Variants in RNPEPL1 observed in about 807,000 individuals in gnomAD.
RNPEPL1 encodes arginyl aminopeptidase like 1.
RNPEPL1 carries 46 observed loss-of-function variants against 69.0 expected under a neutral mutation model. The ratio of observed to expected loss-of-function variants is 0.67; its 90% CI spans 0.53 to 0.85. RNPEPL1 has a LOEUF of 0.85. Ranked by LOEUF, RNPEPL1 falls within the 40% of genes least tolerant of loss-of-function variation. The pLI, the probability that RNPEPL1 is intolerant of heterozygous loss-of-function variation, is 0.00. For synonymous variants in RNPEPL1, 525 were observed against 454.1 expected (o/e 1.16, Z -1.98); for missense variants, 869 against 992.5 (o/e 0.88, Z 1.67).
chr2:240,572,972 G>A (rs1226693099), intron 2 of RNPEPL1, 138 bp from the exon 3 acceptor site: 2 of 1,057,330 alleles, frequency 1.9e-6, no homozygotes, highest in Non-Finnish European at 1.3e-6. Context: ...TCGGAGAGAA[G>A]TTCTCTGACA....
At chr2:240,573,008 G>C in intron 2 of RNPEPL1, 102 bp from the exon 3 acceptor site, 13 of 1,326,544 alleles carry the variant, frequency 9.8e-6, no homozygotes, top group East Asian at 2.6e-5. Context: ...GGGGATGTAG[G>C]GTTTCCTGCT....
chr2:240,578,149 C>G lies in RNPEPL1; in HGVS notation c.*257C>G. 1 of 382,248 alleles carries G rather than the reference C, an allele frequency of 2.6e-6. No homozygotes were observed. Among genetic ancestry groups the G allele is most frequent in the Non-Finnish European group, 4.7e-6 (1 of 213,582 alleles). 23.7% of individuals were successfully genotyped at this position (382,248 alleles called of 1,614,324 possible). ...GGCCAGCCCGCACACACCATGCCTC[C>G]TGTCTCAACACTGACAGCTGTGCCT... is the stretch of plus-strand genomic sequence containing the variant. On this transcript the variant is annotated 3_prime_UTR_variant, in exon 11 of 11. Transcript: ENST00000270357.
intron 1 of RNPEPL1, 62 bp downstream of exon 1, chr2:240,569,176 C>G: frequency 7.3e-7 from 1 of 1,365,416 alleles, no homozygotes; most frequent in Non-Finnish European, 9.4e-7. Context: ...AGCGGCCTCT[C>G]GCCGCACGGC....
chr2:240,575,118 A>G lies in RNPEPL1; in HGVS notation c.1377A>G (p.Pro459=), dbSNP rs35746075. The stretch of plus-strand genomic sequence containing the variant: ...ACCTGTCCCAGCTCTGCGGAGACCC[A>G]CAGCGCTTTGATGACTTTCTCCGAG... ...VYYLSQLCGD[P]QRFDDFLRAY... The change falls in exon 7 of 11, where the codon CCA becomes CCG. Residue 459 remains proline (P), a synonymous_variant. Coordinates refer to ENST00000270357, the MANE Select transcript of RNPEPL1 (RefSeq NM_018226.6). 4,418 of 1,613,418 alleles carry G rather than the reference A, an allele frequency of 2.7e-3. 116 individuals are homozygous for G. The African/African-American group carries it at 0.052, about 19-fold the overall frequency.
Position 240,572,566 on chromosome 2 carries a change from CA to C in RNPEPL1, c.669+4del. The C allele has an allele frequency of 1.3e-6, 2 of 1,536,016 alleles. No homozygotes were observed. The highest frequency in any genetic ancestry group is 2.4e-5 in the East Asian group (1 of 41,044). Reference sequence around the variant, plus strand: ...GCACCTACTCTGCCGTCGTCAAGGTCAGGGGCCGCCAGCTGCCGTCACCTTG... The same window carrying C: ...GCACCTACTCTGCCGTCGTCAAGGTCGGGGCCGCCAGCTGCCGTCACCTTG... On this transcript the variant is annotated splice_donor_region_variant and intron_variant, in intron 2 of 10. Coordinates refer to ENST00000270357, the MANE Select transcript of RNPEPL1 (RefSeq NM_018226.6).
intron 10 of RNPEPL1, 44 bp downstream of exon 10, chr2:240,577,034 G>T (rs367637634): frequency 1.9e-6 from 3 of 1,607,410 alleles, no homozygotes; most frequent in South Asian, 1.1e-5. Flanking sequence ...CGGCCTAGCC[G>T]TGCGGACTGG....
In RNPEPL1 at chr2:240,576,598, A is replaced by T; in HGVS notation, c.1574A>T (p.Gln525Leu). Residue 525 changes from glutamine to leucine, a missense_variant, in exon 9 of 11, where the codon CAG becomes CTG. This residue lies in a region of RNPEPL1 where 610 missense variants were observed against 790.9 expected (regional missense o/e 0.77). Coordinates refer to ENST00000270357, the MANE Select transcript of RNPEPL1 (RefSeq NM_018226.6). ...GPPLAEPDLS[Q>L]GSSLTRPVEA... is the part of the protein sequence containing the mutation. ...CCGCTGGCTGAGCCGGACCTGTCTC[A>T]GGGATCCAGCCTGACCCGGCCCGTG... 1.2e-6 allele frequency: 2 copies of T among 1,613,016 alleles called. No homozygotes were observed. Among genetic ancestry groups the T allele is most frequent in the Non-Finnish European group, 1.7e-6 (2 of 1,180,002 alleles).
At position 240,574,502 on chromosome 2, in the gene RNPEPL1, G is replaced by C; in HGVS notation, c.1175-13G>C. 4 of 1,604,824 alleles carry C rather than the reference G, an allele frequency of 2.5e-6. No individual in the cohort carries two copies. In the South Asian group the frequency reaches 4.5e-5, roughly 18 times the overall value. ...ACCCCCTCACCTCTCCTCTGTCTCC[G>C]GACCCCATCCAGGTGCTGCCTTCAC... On this transcript the variant is annotated splice_polypyrimidine_tract_variant and intron_variant, in intron 5 of 10. Coordinates refer to ENST00000270357, the MANE Select transcript of RNPEPL1 (RefSeq NM_018226.6).
rs1277244626 is a variant in RNPEPL1 at position 240,577,044 on chromosome 2, G to T, written c.1884+54G>T. The stretch of plus-strand genomic sequence containing the variant: ...TGGAACGGCCTAGCCGTGCGGACTG[G>T]GAGTCCCACCCGACTCCCTAGTCTG... On this transcript the variant is annotated intron_variant, in intron 10 of 10. Transcript: ENST00000270357. The T allele has an allele frequency of 5.4e-5, 87 of 1,603,186 alleles. 2 individuals carry two copies. The East Asian group carries it at 1.9e-3, about 35-fold the overall frequency.
intron 8 of RNPEPL1, chr2:240,575,949 T>C: frequency 2.8e-6 from 1 of 355,462 alleles, no homozygotes; most frequent in East Asian, 5.9e-5. Context: ...CAGCCCTGTT[T>C]ATGTGTCACT....
rs778464068 is a variant in RNPEPL1 at position 240,572,459 on chromosome 2, G to A, written c.565G>A (p.Ala189Thr). ...WLDPELTYGCAKPFVFTQGHS... is the reference protein window; with the variant it reads ...WLDPELTYGCTKPFVFTQGHS... ...GGACCCAGAGCTGACCTATGGCTGC[G>A]CCAAGCCCTTCGTCTTCACCCAGGG... The change falls in exon 2 of 11, where the codon GCC becomes ACC. Residue 189 changes from alanine to threonine, a missense_variant. Around this residue, in one of 2 missense-constraint regions of RNPEPL1, gnomAD observed 610 missense variants for 790.9 expected, o/e 0.77. Coordinates refer to ENST00000270357, the MANE Select transcript of RNPEPL1 (RefSeq NM_018226.6). 38 of 1,536,240 alleles carry A rather than the reference G, an allele frequency of 2.5e-5. No individual in the cohort carries two copies. The East Asian group carries it at 4.6e-4, about 19-fold the overall frequency.
chr2:240,574,498 C>G lies in RNPEPL1; in HGVS notation c.1175-17C>G. 1 of 1,603,014 alleles carries G rather than the reference C, an allele frequency of 6.2e-7. No homozygotes were observed. Among genetic ancestry groups the G allele is most frequent in the Non-Finnish European group, 8.5e-7 (1 of 1,175,052 alleles). ...CTACACCCCCTCACCTCTCCTCTGT[C>G]TCCGGACCCCATCCAGGTGCTGCCT... On this transcript the variant is annotated splice_polypyrimidine_tract_variant and intron_variant, in intron 5 of 10. Transcript: ENST00000270357.
rs921955666 is a variant in RNPEPL1, at chr2:240,577,914, C to T, written c.*22C>T. 1.2e-5 allele frequency: 18 copies of T among 1,465,542 alleles called. No individual in the cohort carries two copies. Among genetic ancestry groups the T allele is most frequent in the African/African-American group, 1.1e-4 (8 of 71,046 alleles). The allele number at this position is 1,465,542 out of a possible 1,614,324, so 90.8% of individuals were successfully genotyped here. A position where few individuals can be genotyped will look rare whatever the true frequency, so the allele number is the denominator to read the frequency against. ...CTAGCCCTGTTGGCGGGCTGACCCT[C>T]GACCTCCCAGACACCACAATTGTGC... On this transcript the variant is annotated 3_prime_UTR_variant, in exon 11 of 11. Coordinates refer to ENST00000270357, the MANE Select transcript of RNPEPL1 (RefSeq NM_018226.6).
chr2:240,568,910 C>T lies in RNPEPL1; in HGVS notation c.324C>T (p.Ala108=). The part of the protein sequence containing the change: ...AETPCAFAFS[A]PGPGPAPPPP... Reference sequence around the variant, plus strand: ...CGCCCTGCGCCTTCGCCTTCTCCGCCCCCGGGCCGGGGCCCGCGCCGCCGC... The same window carrying T: ...CGCCCTGCGCCTTCGCCTTCTCCGCTCCCGGGCCGGGGCCCGCGCCGCCGC... The change falls in exon 1 of 11, where the codon GCC becomes GCT. Residue 108 remains alanine (A), a synonymous_variant. Coordinates refer to ENST00000270357, the MANE Select transcript of RNPEPL1 (RefSeq NM_018226.6). The surrounding 1 kb of genome is among the most constrained non-coding windows in gnomAD (Gnocchi z 6.2). 7.8e-7 allele frequency: 1 copy of T among 1,285,172 alleles called. No homozygotes were observed. Among genetic ancestry groups the T allele is most frequent in the Admixed American group, 4.2e-5 (1 of 23,886 alleles). 79.6% of individuals were successfully genotyped at this position (1,285,172 alleles called of 1,614,324 possible). A position where few individuals can be genotyped will look rare whatever the true frequency, so the allele number is the denominator to read the frequency against.
rs2093043091 is a variant in RNPEPL1, at chr2:240,578,103, C to A, written c.*211C>A. On this transcript the variant is annotated 3_prime_UTR_variant, in exon 11 of 11. Coordinates refer to ENST00000270357, the MANE Select transcript of RNPEPL1 (RefSeq NM_018226.6). ...GGACCTGGCCTCCCCACTCCCAGCT[C>A]TCTTGCACTGCAGGCCCTGGGGCCA... The A allele has an allele frequency of 2.1e-6, 1 of 466,918 alleles. No homozygotes were observed. Among genetic ancestry groups the A allele is most frequent in the Non-Finnish European group, 3.7e-6 (1 of 266,970 alleles). 28.9% of individuals were successfully genotyped at this position (466,918 alleles called of 1,614,324 possible). A position where few individuals can be genotyped will look rare whatever the true frequency, so the allele number is the denominator to read the frequency against.
At chr2:240,570,335 A>G (rs1246154350) in intron 1 of RNPEPL1, among the ~76,000 whole-genome samples, 1 of 152,206 alleles carries the variant, frequency 6.6e-6, no homozygotes, top group Non-Finnish European at 1.5e-5. Context: ...TACTCTGGGC[A>G]GGGAGAGTGG....
At chr2:240,570,491 T>C (rs951773142) in intron 1 of RNPEPL1, among the ~76,000 whole-genome samples, 5 of 152,196 alleles carry the variant, frequency 3.3e-5, no homozygotes, top group Admixed American at 6.5e-5. Context: ...GTGAGCGCCA[T>C]GGGGCTGGGG....
At chr2:240,576,292 G>T (rs74497642) in intron 8 of RNPEPL1, 8 of 578,388 alleles carry the variant, frequency 1.4e-5, no homozygotes, top group African/African-American at 1.3e-4. Flanking sequence ...GGCGTGGAGT[G>T]GGTGCGAGTC....
intron 1 of RNPEPL1, 108 bp from the exon 2 acceptor site, chr2:240,572,315 C>T (rs1432335526): frequency 7.7e-7 from 1 of 1,293,306 alleles, no homozygotes; most frequent in Non-Finnish European, 1.1e-6. Context: ...ATAATCTGGC[C>T]ATTGTCCCCT....
Sources: allele counts gnomAD v4.1 joint callset (sites outside exome capture counted in the v4.1 genomes callset), GRCh38; gene constraint gnomAD v4.1.1; regional missense constraint gnomAD v4.1.1; non-coding constraint Gnocchi (gnomAD v3.1); transcripts MANE v1.5; gene names NCBI Gene and HGNC (gene_info 2026-07-23, HGNC 2026-07-21).